MAP6: variants seen among roughly 807,000 people sequenced by gnomAD.
MAP6 encodes the protein microtubule-associated protein 6.
A neutral mutation model predicts 42.4 loss-of-function variants in MAP6; 26 were observed. The observed-to-expected ratio is 0.61, with a 90% confidence interval of 0.45 to 0.85. The LOEUF (loss-of-function observed/expected upper bound fraction) is 0.85, where lower values mean the gene tolerates loss of function less well. Ranked by LOEUF, MAP6 falls within the 40% of genes least tolerant of loss-of-function variation. The probability of loss-of-function intolerance (pLI) is 0.00; values close to 1 mark genes in which losing one functional copy is unlikely to be tolerated. For missense variants in MAP6, 966 were observed against 1,099.0 expected (o/e 0.88, Z 1.71); for synonymous variants, 418 against 443.8 (o/e 0.94, Z 0.73).
intron 3 of MAP6, chr11:75,597,183 T>C (rs1942594036): frequency 6.6e-6 from 1 of 152,262 alleles, no homozygotes; most frequent in Non-Finnish European, 1.5e-5. Context: ...CTGTGGCAAC[T>C]CTGCATTTTA....
intron 1 of MAP6, among the ~76,000 whole-genome samples, chr11:75,617,552 CA>C (rs1185171467): frequency 5.9e-5 from 8 of 136,156 alleles, no homozygotes; most frequent in Admixed American, 5.1e-4. Flanking sequence ...CCCAAAAACT[CA>C]AACTAGGAGT....
intron 1 of MAP6, among the ~76,000 whole-genome samples, chr11:75,657,175 A>G (rs1366058207): frequency 6.8e-6 from 1 of 147,008 alleles, no homozygotes; most frequent in Admixed American, 6.9e-5. Context: ...CAGTGGCACG[A>G]TCTTGGTTCA....
intron 3 of MAP6, among the ~76,000 whole-genome samples, chr11:75,592,577 C>A (rs1203415341): frequency 1.3e-5 from 2 of 151,968 alleles, no homozygotes; most frequent in African/African-American, 4.8e-5. Flanking sequence ...TCCCTCCCTT[C>A]CCCTACCACC....
intron 1 of MAP6, among the ~76,000 whole-genome samples, chr11:75,610,857 T>C (rs1026313462): frequency 2.0e-5 from 3 of 151,900 alleles, no homozygotes; most frequent in South Asian, 2.1e-4. Context: ...TGGGGGGCGG[T>C]AGTCCCCCAC....
intron 1 of MAP6, among the ~76,000 whole-genome samples, chr11:75,633,934 C>T (rs563909711): frequency 5.6e-4 from 85 of 152,320 alleles, no homozygotes; most frequent in Non-Finnish European, 1.0e-3. Flanking sequence ...CCTGATGTAG[C>T]TCCGAGTGGC....
At chr11:75,641,938 G>A (rs1362741710) in intron 1 of MAP6, among the ~76,000 whole-genome samples, 3 of 152,302 alleles carry the variant, frequency 2.0e-5, no homozygotes, top group South Asian at 4.1e-4. Context: ...AGTTCACAAT[G>A]GCTGAAGAGA....
chr11:75,652,580 G>A (rs142836766), intron 1 of MAP6, among the ~76,000 whole-genome samples: 2,525 of 152,220 alleles, frequency 0.017, 58 homozygotes, highest in African/African-American at 0.058. Flanking sequence ...GCTCATGACT[G>A]TAATCCCAGC....
At chr11:75,663,038 T>G (rs542855361) in intron 1 of MAP6, among the ~76,000 whole-genome samples, 6 of 151,904 alleles carry the variant, frequency 3.9e-5, no homozygotes, top group Admixed American at 3.9e-4. Context: ...CTTGGCTCAC[T>G]GCAACCTCCG....
intron 3 of MAP6, among the ~76,000 whole-genome samples, chr11:75,600,908 T>C (rs567718966): frequency 3.3e-5 from 5 of 152,336 alleles, no homozygotes; most frequent in Admixed American, 2.6e-4. Flanking sequence ...TAAGGAAGAA[T>C]TGAAATACAT....
In MAP6 at chr11:75,608,136, G is replaced by A. The variant is rs1316860142; in HGVS notation, c.1092C>T (p.Tyr364=). Residue 364 remains tyrosine (Y), a synonymous_variant, in exon 2 of 4, where the codon TAC becomes TAT. Transcript: ENST00000304771. Reference sequence around the variant, plus strand: ...TTGGGGGTTCCTTGAAGGGTTCGCTGTAGAGGCTGCGTATTCTTCTGCGAT... The same window carrying A: ...TTGGGGGTTCCTTGAAGGGTTCGCTATAGAGGCTGCGTATTCTTCTGCGAT... ...VIDRRRIRSL[Y]SEPFKEPPKV... 1.2e-6 allele frequency: 2 copies of A among 1,614,104 alleles called. No individual in the cohort carries two copies. The highest frequency in any genetic ancestry group is 3.3e-5 in the Admixed American group (2 of 60,032).
At chr11:75,601,630 A>C (rs1404056756) in intron 3 of MAP6, among the ~76,000 whole-genome samples, 1 of 152,084 alleles carries the variant, frequency 6.6e-6, no homozygotes, top group Non-Finnish European at 1.5e-5. Flanking sequence ...ATAAGCAAGC[A>C]AGAGAAGCAT....
chr11:75,620,212 G>A (rs1346790146), intron 1 of MAP6, among the ~76,000 whole-genome samples: 1 of 152,192 alleles, frequency 6.6e-6, no homozygotes, highest in Admixed American at 6.5e-5. Flanking sequence ...GCTCAAGCTT[G>A]TAATCCCAGT....
intron 1 of MAP6, among the ~76,000 whole-genome samples, chr11:75,627,809 A>C (rs1943222399): frequency 6.6e-6 from 1 of 152,172 alleles, no homozygotes; most frequent in Non-Finnish European, 1.5e-5. Context: ...TGTTAGAATT[A>C]AACAAAAATA....
chr11:75,592,052 T>C (rs185462303), intron 3 of MAP6, among the ~76,000 whole-genome samples: 28 of 152,254 alleles, frequency 1.8e-4, no homozygotes, highest in Non-Finnish European at 3.2e-4. Flanking sequence ...AACCCCATTT[T>C]CCCTGCATCA....
At chr11:75,594,284 G>A (rs1942533725) in intron 3 of MAP6, 1 of 152,254 alleles carries the variant, frequency 6.6e-6, no homozygotes, top group African/African-American at 2.4e-5. Flanking sequence ...AACATGGACA[G>A]AGACAGTGTG....
chr11:75,652,769 G>A (rs1013415119), intron 1 of MAP6, among the ~76,000 whole-genome samples: 1 of 151,540 alleles, frequency 6.6e-6, no homozygotes, highest in African/African-American at 2.4e-5. Context: ...AATCCAGGAG[G>A]CGGAGGTTGC....
In MAP6 at chr11:75,634,926, G is replaced by T. The variant is rs187798225; in HGVS notation, c.906-26604C>A. 3.5e-3 allele frequency among the ~76,000 whole-genome samples: 528 copies of T among 152,238 alleles called. 5 individuals carry two copies. Among genetic ancestry groups the T allele is most frequent in the Non-Finnish European group, 5.7e-3 (387 of 68,020 alleles). On this transcript the variant is annotated intron_variant, in intron 1 of 3. Transcript: ENST00000304771. ...TTTCTCACACCAAATTACTAATGAG[G>T]TAATTACCAACATTGTAATTATTGT...
chr11:75,640,315 C>A (rs779097407), intron 1 of MAP6, among the ~76,000 whole-genome samples: 19 of 152,066 alleles, frequency 1.2e-4, no homozygotes, highest in Non-Finnish European at 2.6e-4. Flanking sequence ...ACTGCAAGAA[C>A]AATTGCTACC....
chr11:75,602,726 A>G, intron 3 of MAP6: 1 of 654,186 alleles, frequency 1.5e-6, no homozygotes. Context: ...AATCTAAAAG[A>G]GTCAAGCTGC....
Sources: gnomAD v4.1 joint callset for allele counts (sites outside exome capture counted in the v4.1 genomes callset) on GRCh38, gnomAD v4.1.1 for gene constraint, MANE v1.5 for transcripts, NCBI Gene and HGNC (gene_info 2026-07-23, HGNC 2026-07-21) for gene names.